CXCL13: variants seen among roughly 807,000 people sequenced by gnomAD.
The protein encoded by CXCL13 is C-X-C motif chemokine 13.
In CXCL13, 7 loss-of-function variants were observed where a neutral mutation model predicts 12.2. That is an observed-to-expected ratio of 0.57 (90% CI 0.33 to 1.07). The LOEUF (loss-of-function observed/expected upper bound fraction) is 1.07. CXCL13 is among the 50% of genes least tolerant of loss of function. The probability of loss-of-function intolerance (pLI) is 0.04; values close to 1 mark genes in which losing one functional copy is unlikely to be tolerated. For missense variants in CXCL13, 113 were observed against 127.4 expected (o/e 0.89, Z 0.55); for synonymous variants, 47 against 42.4 (o/e 1.11, Z -0.42).
chr4:77,594,635 G>A (rs994320443), intron 1 of CXCL13, among the ~76,000 whole-genome samples: 7 of 152,172 alleles, frequency 4.6e-5, no homozygotes, highest in Non-Finnish European at 8.8e-5. Flanking sequence ...TGCCAGTGAG[G>A]GCCATGGGGC....
Position 77,607,669 on chromosome 4 carries a change from G to T in CXCL13, c.65-34G>T, listed in dbSNP as rs571123970. The stretch of plus-strand genomic sequence containing the variant: ...TTCTAGTTATGAATTACATGCCAAT[G>T]GATTAAAATAACTGATTCTGTGTTT... On this transcript the variant is annotated intron_variant, in intron 1 of 3. Coordinates refer to ENST00000682537, the MANE Select transcript of CXCL13 (RefSeq NM_001371558.1). 4.4e-6 allele frequency: 7 copies of T among 1,574,016 alleles called. No homozygotes were observed. In the Admixed American group the frequency reaches 9.2e-5, roughly 21 times the overall value.
At chr4:77,600,522 CTT>C (rs1308586590) in intron 1 of CXCL13, among the ~76,000 whole-genome samples, 17 of 152,106 alleles carry the variant, frequency 1.1e-4, no homozygotes, top group African/African-American at 4.1e-4. Context: ...TAGATGATGA[CTT>C]ATTATCTACA....
At chr4:77,607,245 C>A (rs1466814458) in intron 1 of CXCL13, among the ~76,000 whole-genome samples, 1 of 152,206 alleles carries the variant, frequency 6.6e-6, no homozygotes, top group East Asian at 1.9e-4. Flanking sequence ...AGGCTGTTCT[C>A]AAATTTTATT....
Position 77,586,761 on chromosome 4 carries a change from T to C in CXCL13, c.-42-19063T>C, listed in dbSNP as rs143642750. Among the ~76,000 whole-genome samples the C allele has an allele frequency of 6.3e-3, 953 of 152,300 alleles. 9 individuals are homozygous for C. The highest frequency in any genetic ancestry group is 0.021 in the African/African-American group (891 of 41,558). ...AGTACTGAGACATTATCTTCATATA[T>C]GCTTGATGTTAGTCAGGGGCACTTC... On this transcript the variant is annotated intron_variant, in intron 1 of 4. Transcript: ENST00000286758.
chr4:77,524,790 T>G (rs1724720351), intron 1 of CXCL13, among the ~76,000 whole-genome samples: 1 of 152,202 alleles, frequency 6.6e-6, no homozygotes, highest in Admixed American at 6.5e-5. Context: ...AGAAGTCCCC[T>G]GTCTTCTGCA....
chr4:77,585,603 A>G (rs1726436951), intron 1 of CXCL13, among the ~76,000 whole-genome samples: 1 of 152,118 alleles, frequency 6.6e-6, no homozygotes, highest in African/African-American at 2.4e-5. Flanking sequence ...CCTTTCCTAC[A>G]CCAGTCTCAG....
intron 1 of CXCL13, among the ~76,000 whole-genome samples, chr4:77,513,455 CT>C (rs574725892): frequency 0.011 from 1,558 of 144,560 alleles, 17 homozygotes; most frequent in African/African-American, 0.032. Flanking sequence ...TGTTTCCTGA[CT>C]TTTTTTTTTT....
intron 1 of CXCL13, among the ~76,000 whole-genome samples, chr4:77,557,586 A>G (rs1725689224): frequency 1.3e-5 from 2 of 152,304 alleles, no homozygotes; most frequent in South Asian, 2.1e-4. Flanking sequence ...TCCATTCATT[A>G]CATTTTGTCC....
At chr4:77,514,442 T>C (rs1272049599) in intron 1 of CXCL13, among the ~76,000 whole-genome samples, 1 of 140,700 alleles carries the variant, frequency 7.1e-6, no homozygotes, top group African/African-American at 2.7e-5. Flanking sequence ...AGTGTTCCTA[T>C]TTCTCCACAT....
At chr4:77,561,943 T>G (rs1725825351) in intron 1 of CXCL13, among the ~76,000 whole-genome samples, 1 of 152,244 alleles carries the variant, frequency 6.6e-6, no homozygotes, top group East Asian at 1.9e-4. Flanking sequence ...CCAGCACAAG[T>G]TCTGGGTGGG....
chr4:77,522,497 T>A, intron 1 of CXCL13, among the ~76,000 whole-genome samples: 1 of 136,388 alleles, frequency 7.3e-6, no homozygotes, highest in African/African-American at 2.8e-5. Flanking sequence ...TATCAGAGAC[T>A]AGGACTGCAA....
chr4:77,523,091 T>C (rs1283266539), intron 1 of CXCL13, among the ~76,000 whole-genome samples: 2 of 152,238 alleles, frequency 1.3e-5, no homozygotes, highest in Non-Finnish European at 2.9e-5. Flanking sequence ...GTTAGTCTGA[T>C]GGGCTTCCCT....
At position 77,581,897 on chromosome 4, in the gene CXCL13, T is replaced by C. The variant is rs1267302439; in HGVS notation, c.-42-23927T>C. ...TGTTCACTGGCATTTCTTTGCCTCCTACTCGTTGAACTGGTTGCAATTTTG... is the reference window on the plus strand; with the variant it reads ...TGTTCACTGGCATTTCTTTGCCTCCCACTCGTTGAACTGGTTGCAATTTTG... On this transcript the variant is annotated intron_variant, in intron 1 of 4. Transcript: ENST00000286758. 2.6e-5 allele frequency among the ~76,000 whole-genome samples: 4 copies of C among 152,226 alleles called. No homozygotes were observed. The East Asian group carries it at 7.7e-4, about 29-fold the overall frequency.
chr4:77,534,401 C>A (rs368464983), intron 1 of CXCL13, among the ~76,000 whole-genome samples: 1 of 152,068 alleles, frequency 6.6e-6, no homozygotes, highest in African/African-American at 2.4e-5. Context: ...GAAATACTAC[C>A]CAGAAATAAA....
At chr4:77,587,338 C>A (rs776473066) in intron 1 of CXCL13, among the ~76,000 whole-genome samples, 56 of 152,278 alleles carry the variant, frequency 3.7e-4, no homozygotes, top group Admixed American at 7.8e-4. Flanking sequence ...ATATGACGAA[C>A]TTTCACTGGT....
chr4:77,515,895 AG>A (rs1724404367), intron 1 of CXCL13, among the ~76,000 whole-genome samples: 1 of 152,206 alleles, frequency 6.6e-6, no homozygotes, highest in African/African-American at 2.4e-5. Flanking sequence ...CAGTTTTCAA[AG>A]GGAATGCTTC....
chr4:77,513,537 C>T (rs1443658434), intron 1 of CXCL13, among the ~76,000 whole-genome samples: 14 of 152,028 alleles, frequency 9.2e-5, no homozygotes, highest in African/African-American at 2.7e-4. Context: ...CTCCAAGCTC[C>T]GCCTCCTGGG....
intron 1 of CXCL13, among the ~76,000 whole-genome samples, chr4:77,561,280 G>T (rs1374486370): frequency 2.6e-5 from 4 of 152,156 alleles, no homozygotes; most frequent in African/African-American, 9.7e-5. Flanking sequence ...ACCCAGATAT[G>T]CAGGATCAGA....
chr4:77,517,430 G>A (rs1358996884), intron 1 of CXCL13, among the ~76,000 whole-genome samples: 1 of 152,132 alleles, frequency 6.6e-6, no homozygotes, highest in Non-Finnish European at 1.5e-5. Context: ...CATTATTAAT[G>A]TGTGGGAGTC....
Sources: gnomAD v4.1 joint callset for allele counts (sites outside exome capture counted in the v4.1 genomes callset) on GRCh38, gnomAD v4.1.1 for gene constraint, MANE v1.5 for transcripts, NCBI Gene and HGNC (gene_info 2026-07-23, HGNC 2026-07-21) for gene names.